The following CABIN1 variants were observed in gnomAD, a reference collection of about 807,000 sequenced individuals.
CABIN1 encodes calcineurin-binding protein cabin-1.
A neutral mutation model predicts 227.7 loss-of-function variants in CABIN1; 133 were observed. The ratio of observed to expected loss-of-function variants is 0.58; its 90% CI spans 0.51 to 0.67. CABIN1 has a LOEUF of 0.67. Among genes scored for constraint, CABIN1 ranks in the 30% least tolerant of loss-of-function variants. The pLI, the probability that CABIN1 is intolerant of heterozygous loss-of-function variation, is 0.00. For missense variants in CABIN1, 2,408 were observed against 2,852.5 expected, an observed-to-expected ratio of 0.84 and a Z score of 3.55; for synonymous variants, 1,086 against 1,155.1, an observed-to-expected ratio of 0.94 and a Z score of 1.21.
At position 24,177,598 on chromosome 22, in the gene CABIN1, C is replaced by T. The variant is rs2047187480; in HGVS notation, c.6300C>T (p.Ser2100=). ...QPLSSPPTAA[S]SKAPSSGSAQ... is the part of the protein sequence containing the mutation. ...TGAGCTCTCCCCCAACAGCTGCCAG[C>T]TCCAAGGCCCCCAGCAGTGGGAGTG... is the stretch of plus-strand genomic sequence containing the variant. The change falls in exon 36 of 37, where the codon AGC becomes AGT. Residue 2100 remains serine, a synonymous_variant. Transcript: ENST00000263119. This position sits in a 1 kb window ranked among gnomAD's most constrained non-coding sequence, Gnocchi z 4.4. 1.2e-6 allele frequency: 2 copies of T among 1,609,662 alleles called. No homozygotes were observed. Among genetic ancestry groups the T allele is most frequent in the African/African-American group, 2.7e-5 (2 of 74,816 alleles).
intron 32 of CABIN1, among the ~76,000 whole-genome samples, chr22:24,167,538 G>A (rs910277831): frequency 3.3e-5 from 5 of 152,248 alleles, no homozygotes; most frequent in Non-Finnish European, 7.3e-5. Context: ...CAACCAGCGC[G>A]GGGAGTCTGG....
At chr22:24,034,317 A>G (rs535666322) in intron 1 of CABIN1, among the ~76,000 whole-genome samples, 2 of 152,358 alleles carry the variant, frequency 1.3e-5, no homozygotes, top group African/African-American at 4.8e-5. Context: ...ATAGATTTGC[A>G]TATTCTGGAC....
intron 7 of CABIN1, 81 bp from the exon 8 acceptor site, chr22:24,050,743 TA>T: frequency 1.3e-6 from 2 of 1,541,322 alleles, no homozygotes; most frequent in Non-Finnish European, 1.8e-6. Flanking sequence ...GGTATTAACC[TA>T]AATGCATTTT....
chr22:24,052,695 G>T (rs1483172639), intron 8 of CABIN1, among the ~76,000 whole-genome samples: 1 of 151,764 alleles, frequency 6.6e-6, no homozygotes, highest in East Asian at 1.9e-4. Context: ...GGAGGCTGAG[G>T]GGGAGGATTG....
At chr22:24,156,056 A>G in intron 29 of CABIN1, 1 of 439,424 alleles carries the variant, frequency 2.3e-6, no homozygotes, top group Non-Finnish European at 4.1e-6. Context: ...CACTGCACAG[A>G]TGCCACGGCG....
chr22:24,016,061 A>G (rs2035258528), intron 1 of CABIN1, among the ~76,000 whole-genome samples: 1 of 152,242 alleles, frequency 6.6e-6, no homozygotes, highest in African/African-American at 2.4e-5. Context: ...GTACATACAC[A>G]GTTATGCAAG....
chr22:24,053,322 C>T (rs962115874), intron 8 of CABIN1, among the ~76,000 whole-genome samples: 32 of 151,862 alleles, frequency 2.1e-4, no homozygotes, highest in African/African-American at 7.5e-4. Flanking sequence ...GTGATCTGCC[C>T]GCCTCGGCCT....
intron 14 of CABIN1, among the ~76,000 whole-genome samples, 186 bp downstream of exon 14, chr22:24,063,332 T>C (rs2039340818): frequency 6.6e-6 from 1 of 152,130 alleles, no homozygotes; most frequent in Non-Finnish European, 1.5e-5. Flanking sequence ...AGTGGGGAAT[T>C]CTCAGCATCT....
At chr22:24,042,475 T>C (rs2037452100) in intron 5 of CABIN1, among the ~76,000 whole-genome samples, 1 of 152,070 alleles carries the variant, frequency 6.6e-6, no homozygotes, top group Admixed American at 6.6e-5. Flanking sequence ...CAGCTACTCA[T>C]GGAGCTGAGG....
intron 16 of CABIN1, among the ~76,000 whole-genome samples, chr22:24,069,757 T>TGGG (rs111346442): frequency 2.8e-4 from 43 of 151,924 alleles, no homozygotes; most frequent in African/African-American, 1.0e-3. Flanking sequence ...ATTTATAAAT[T>TGGG]GGGGGGGGTT....
intron 26 of CABIN1, among the ~76,000 whole-genome samples, chr22:24,108,082 G>A (rs1321896218): frequency 2.0e-5 from 3 of 152,242 alleles, no homozygotes; most frequent in African/African-American, 7.2e-5. Context: ...TGTGTGCAGG[G>A]CACTAGCCAC....
At position 24,071,046 on chromosome 22, in the gene CABIN1, A is replaced by T; in HGVS notation, c.2475+4A>T. ...GCTCACCAACAACCTCATCCAGGTAACCCCTGGCTCCTTCTCACCCTGCCC... is the reference window on the plus strand; with the variant it reads ...GCTCACCAACAACCTCATCCAGGTATCCCCTGGCTCCTTCTCACCCTGCCC... On this transcript the variant is annotated splice_donor_region_variant and intron_variant, in intron 17 of 36. Coordinates refer to ENST00000263119, the MANE Select transcript of CABIN1 (RefSeq NM_012295.4). 1 of 1,614,112 alleles carries T rather than the reference A, an allele frequency of 6.2e-7. No individual in the cohort carries two copies. Among genetic ancestry groups the T allele is most frequent in the Non-Finnish European group, 8.5e-7 (1 of 1,180,004 alleles).
intron 29 of CABIN1, among the ~76,000 whole-genome samples, chr22:24,162,859 T>C (rs1436504228): frequency 6.6e-6 from 1 of 152,202 alleles, no homozygotes; most frequent in African/African-American, 2.4e-5. Flanking sequence ...ACTAGACCCG[T>C]CCTCACGGGT....
intron 28 of CABIN1, among the ~76,000 whole-genome samples, chr22:24,128,026 G>A (rs2043840831): frequency 1.3e-5 from 2 of 152,044 alleles, no homozygotes; most frequent in Admixed American, 6.6e-5. Flanking sequence ...TCCTCTAGCT[G>A]TGATGACCAA....
intron 28 of CABIN1, 108 bp downstream of exon 28, chr22:24,119,806 C>G (rs781746062): frequency 7.3e-6 from 8 of 1,099,536 alleles, no homozygotes; most frequent in Non-Finnish European, 1.1e-5. Flanking sequence ...GGTAGCAGCA[C>G]ATGGGAGGGA....
At chr22:24,109,822 A>G (rs2042713520) in intron 26 of CABIN1, among the ~76,000 whole-genome samples, 1 of 152,212 alleles carries the variant, frequency 6.6e-6, no homozygotes, top group Non-Finnish European at 1.5e-5. Context: ...CTTGGTTGCT[A>G]GTTTATTGAG....
chr22:24,042,818 CTGTGTGTGTGTGTGTGTGTG>C (rs56070926), intron 5 of CABIN1, 66 bp from the exon 6 acceptor site: 143 of 687,236 alleles, frequency 2.1e-4, no homozygotes, highest in Middle Eastern at 9.3e-4. Context: ...AGAGATCTGA[CTGTGTGTGTGTGTGTGTGTG>C]TGTGTGTGTG....
chr22:24,036,988 G>A (rs553466230), intron 3 of CABIN1, among the ~76,000 whole-genome samples: 3 of 152,050 alleles, frequency 2.0e-5, no homozygotes, highest in Non-Finnish European at 2.9e-5. Context: ...GGCCGGGTGC[G>A]GTGGCTCATG....
chr22:24,025,555 G>A (rs1049132532), intron 1 of CABIN1, among the ~76,000 whole-genome samples: 2 of 152,200 alleles, frequency 1.3e-5, no homozygotes, highest in Non-Finnish European at 2.9e-5. Context: ...TGGTGGGGCC[G>A]AGGAATGGGG....
Sources: allele counts gnomAD v4.1 joint callset (sites outside exome capture counted in the v4.1 genomes callset), GRCh38; gene constraint gnomAD v4.1.1; non-coding constraint Gnocchi (gnomAD v3.1); transcripts MANE v1.5; gene names NCBI Gene and HGNC (gene_info 2026-07-23, HGNC 2026-07-21).